RAB13: variants seen among roughly 807,000 people sequenced by gnomAD.
The protein encoded by RAB13 is RAB13, member RAS oncogene family, also known as ras-related protein Rab-13.
A neutral mutation model predicts 29.3 loss-of-function variants in RAB13; 15 were observed. The observed-to-expected ratio is 0.51, with a 90% CI of 0.34 to 0.79. RAB13 has a LOEUF of 0.79. Among genes scored for constraint, RAB13 ranks in the 30% least tolerant of loss-of-function variants. The probability of loss-of-function intolerance (pLI) is 0.01; values close to 1 mark genes in which losing one functional copy is unlikely to be tolerated. For synonymous variants in RAB13, 82 were observed against 93.8 expected (o/e 0.87, Z 0.73); for missense variants, 186 against 255.5 (o/e 0.73, Z 1.85).
chr1:153,985,886 T>G, intron 1 of RAB13: 2 of 555,854 alleles, frequency 3.6e-6, no homozygotes, highest in Non-Finnish European at 5.7e-6. Flanking sequence ...ACCAAGAAAA[T>G]GAGGAGCTGG....
intron 7 of RAB13, 59 bp downstream of exon 7, chr1:153,982,332 C>CACAT: frequency 8.6e-6 from 12 of 1,395,594 alleles, no homozygotes; most frequent in Non-Finnish European, 4.0e-6. Flanking sequence ...CACACACACA[C>CACAT]ACATACATAC....
At chr1:153,983,925 C>T (rs1450221425) in intron 2 of RAB13, among the ~76,000 whole-genome samples, 3 of 151,972 alleles carry the variant, frequency 2.0e-5, no homozygotes, top group African/African-American at 7.3e-5. Context: ...GTCTATAATC[C>T]CAACACTTTG....
chr1:153,983,319 T>C (rs1444034749), intron 3 of RAB13, 23 bp from the exon 4 acceptor site: 4 of 1,604,716 alleles, frequency 2.5e-6, no homozygotes, highest in African/African-American at 2.7e-5. Flanking sequence ...AAAATTCACC[T>C]TGGACCATGT....
rs1036342336 is a variant in RAB13 at position 153,984,714 on chromosome 1, G to T, written c.185+7C>A. The T allele has an allele frequency of 6.2e-7, 1 of 1,611,676 alleles. No individual in the cohort carries two copies. The highest frequency in any genetic ancestry group is 1.1e-5 in the South Asian group (1 of 90,856). On this transcript the variant is annotated splice_region_variant and intron_variant, in intron 2 of 7. Transcript: ENST00000368575. ...GTCTGGCGAGGCATCCCAGAGGACT[G>T]ACTTACCAGACTTGTAGTTTGATCT...
At chr1:153,983,125 C>CAA (rs370008084) in intron 4 of RAB13, 94 bp downstream of exon 4, 386 of 912,982 alleles carry the variant, frequency 4.2e-4, no homozygotes, top group Non-Finnish European at 5.3e-4. Context: ...AACTTCATCT[C>CAA]AAAAAAAAAA....
intron 6 of RAB13, 27 bp downstream of exon 6, chr1:153,982,507 TG>T (rs1557891671): frequency 6.2e-7 from 1 of 1,609,026 alleles, no homozygotes; most frequent in South Asian, 1.1e-5. Context: ...CTTCCTCTCT[TG>T]GTCGGGGATG....
chr1:153,986,779 T>C (rs925236130), upstream of RAB13, among the ~76,000 whole-genome samples: 2 of 152,130 alleles, frequency 1.3e-5, no homozygotes, highest in African/African-American at 2.4e-5. Context: ...CATCGGTTTC[T>C]GGGGCTGAGT....
chr1:153,983,445 A>G (rs759438703), intron 3 of RAB13, 76 bp downstream of exon 3: 2 of 1,529,034 alleles, frequency 1.3e-6, no homozygotes, highest in Non-Finnish European at 1.8e-6. Flanking sequence ...TACCTGCCCC[A>G]ACCCCTGACC....
chr1:153,990,689 CA>C, upstream of RAB13: 1 of 1,472,482 alleles, frequency 6.8e-7, no homozygotes, highest in Non-Finnish European at 9.5e-7. Context: ...ACGTTCCAAA[CA>C]TGGTGGCACA....
At position 153,986,061 on chromosome 1, in the gene RAB13, G is replaced by A. The variant is rs185086301; in HGVS notation, c.124+52C>T. 60 of 1,609,282 alleles carry A rather than the reference G, an allele frequency of 3.7e-5. 1 individual carries two copies. Among genetic ancestry groups the A allele is most frequent in the Middle Eastern group, 4.3e-4 (2 of 4,638 alleles). The stretch of plus-strand genomic sequence containing the variant: ...GGGGTCACTAGTAATCCGGGAGCCG[G>A]AGAAGGAGGTCACAGGAGAGTCGGG... On this transcript the variant is annotated intron_variant, in intron 1 of 7. Transcript: ENST00000368575.
intron 1 of RAB13, chr1:153,985,911 T>G: frequency 2.6e-6 from 2 of 776,338 alleles, no homozygotes; most frequent in South Asian, 2.7e-5. Flanking sequence ...AGTTGAAGAG[T>G]TACCTGAAGG....
rs1384354757 is a variant in RAB13 at position 153,983,239 on chromosome 1, A to G, written c.304T>C (p.Trp102Arg). The G allele has an allele frequency of 1.2e-6, 2 of 1,613,812 alleles. No individual in the cohort carries two copies. The highest frequency in any genetic ancestry group is 1.1e-5 in the South Asian group (1 of 91,074). Residue 102 changes from tryptophan to arginine, a missense_variant, in exon 4 of 8, where the codon TGG becomes CGG. Coordinates refer to ENST00000368575, the MANE Select transcript of RAB13 (RefSeq NM_002870.5). ...CTCACCTCCTTGATGCTTTTCATCC[A>G]GTTCTGAATATTCTCGAAAGATTTC... ...DEKSFENIQN[W>R]MKSIKENASA...
upstream of RAB13, chr1:153,990,699 C>A (rs535334915): frequency 2.6e-6 from 4 of 1,524,366 alleles, no homozygotes; most frequent in East Asian, 2.3e-5. Context: ...CATGGTGGCA[C>A]AAGATCCTTG....
intron 2 of RAB13, 78 bp from the exon 3 acceptor site, chr1:153,983,659 A>G: frequency 7.5e-7 from 1 of 1,337,814 alleles, no homozygotes; most frequent in African/African-American, 1.4e-5. Context: ...CTCTCACAAG[A>G]ATTTAGCTTT....
At chr1:153,987,189 T>G (rs1415559136), upstream of RAB13, among the ~76,000 whole-genome samples, 1 of 152,094 alleles carries the variant, frequency 6.6e-6, no homozygotes, top group Non-Finnish European at 1.5e-5. Context: ...ACCAGGAAGC[T>G]GAAATATGAA....
In RAB13 at chr1:153,982,165, G is replaced by A; in HGVS notation, c.546C>T (p.Asn182=). ...TTTTCAGGTCAGTACTGGGAGGCTT[G>A]TTGCCGTTTCCCTAGAGGGAGAAGG... The part of the protein sequence containing the change: ...KSGGRRSGNG[N]KPPSTDLKTC... Residue 182 remains asparagine (N), a synonymous_variant, in exon 8 of 8, where the codon AAC becomes AAT. Transcript: ENST00000368575. 6.2e-7 allele frequency: 1 copy of A among 1,614,032 alleles called. No individual in the cohort carries two copies. The highest frequency in any genetic ancestry group is 1.3e-5 in the African/African-American group (1 of 75,022).
Position 153,982,098 on chromosome 1 carries a change from C to G in RAB13, c.*1G>C, listed in dbSNP as rs763627838. 2.6e-5 allele frequency: 42 copies of G among 1,613,282 alleles called. No homozygotes were observed. In the Admixed American group the frequency reaches 6.5e-4, roughly 25 times the overall value. ...CGGGGTGGGGAGGCAAGAAAGGGTC[C>G]TCAGCCCAGGGAGCACTTGTTGGTG... On this transcript the variant is annotated 3_prime_UTR_variant, in exon 8 of 8. Transcript: ENST00000368575.
intron 4 of RAB13, 99 bp from the exon 5 acceptor site, chr1:153,982,907 A>G: frequency 8.6e-7 from 1 of 1,166,616 alleles, no homozygotes; most frequent in Non-Finnish European, 1.3e-6. Flanking sequence ...CGGGTGGATC[A>G]CCTGATGCAG....
intron 1 of RAB13, chr1:153,985,294 A>G (rs1431333373): frequency 9.1e-6 from 9 of 985,412 alleles, no homozygotes; most frequent in African/African-American, 1.7e-5. Flanking sequence ...TTTTGAGACA[A>G]TTAGGAAAGA....
Sources: gnomAD v4.1 joint callset for allele counts (sites outside exome capture counted in the v4.1 genomes callset) on GRCh38, gnomAD v4.1.1 for gene constraint, MANE v1.5 for transcripts, NCBI Gene and HGNC (gene_info 2026-07-23, HGNC 2026-07-21) for gene names.